Variants in PHLDB2 observed in about 807,000 individuals in gnomAD.
PHLDB2 encodes pleckstrin homology like domain family B member 2.
Under a neutral mutation model 123.6 loss-of-function variants are expected in PHLDB2, and 71 were observed. The observed-to-expected ratio is 0.57, with a 90% CI of 0.47 to 0.70. The LOEUF (loss-of-function observed/expected upper bound fraction) is 0.70, where lower values mean the gene tolerates loss of function less well. Among genes scored for constraint, PHLDB2 ranks in the 30% least tolerant of loss-of-function variants. PHLDB2 has a pLI of 0.00. For synonymous variants in PHLDB2, 547 were observed against 541.6 expected (o/e 1.01, Z -0.14); for missense variants, 1,446 against 1,519.5 (o/e 0.95, Z 0.80).
intron 2 of PHLDB2, among the ~76,000 whole-genome samples, chr3:111,886,320 A>G (rs1358415129): frequency 6.6e-6 from 1 of 152,254 alleles, no homozygotes; most frequent in African/African-American, 2.4e-5. Flanking sequence ...GATACCCTAT[A>G]GGACAATAAA....
chr3:111,753,999 A>T (rs1174005878), intron 1 of PHLDB2, among the ~76,000 whole-genome samples: 3 of 152,148 alleles, frequency 2.0e-5, no homozygotes, highest in Non-Finnish European at 4.4e-5. Context: ...GTTTTGTGCC[A>T]TTGATCTATA....
chr3:111,906,777 C>T (rs1471891549), intron 2 of PHLDB2, among the ~76,000 whole-genome samples: 1 of 152,174 alleles, frequency 6.6e-6, no homozygotes, highest in African/African-American at 2.4e-5. Context: ...GTCACATTCT[C>T]CAATAACTTA....
chr3:111,914,543 A>C (rs1455726130), intron 3 of PHLDB2: 5 of 152,128 alleles, frequency 3.3e-5, no homozygotes, highest in Non-Finnish European at 7.4e-5. Context: ...TTCTTTAATT[A>C]TACATCAAGT....
chr3:111,854,495 G>C (rs1309839106), upstream of PHLDB2, among the ~76,000 whole-genome samples: 2 of 152,196 alleles, frequency 1.3e-5, no homozygotes, highest in African/African-American at 4.8e-5. Context: ...GAGTTAAACT[G>C]CAGTAAGATT....
intron 1 of PHLDB2, among the ~76,000 whole-genome samples, chr3:111,882,064 G>A (rs1187597702): frequency 6.6e-6 from 1 of 152,020 alleles, no homozygotes; most frequent in Non-Finnish European, 1.5e-5. Context: ...TTTTATGAAT[G>A]TACTTTTTAT....
intron 5 of PHLDB2, among the ~76,000 whole-genome samples, chr3:111,927,714 A>G (rs1415612263): frequency 6.6e-6 from 1 of 152,214 alleles, no homozygotes; most frequent in Non-Finnish European, 1.5e-5. Flanking sequence ...TCTGAAATTC[A>G]GTGTAGCTGA....
intron 1 of PHLDB2, among the ~76,000 whole-genome samples, chr3:111,810,170 GAC>G (rs1402096079): frequency 6.6e-6 from 1 of 152,088 alleles, no homozygotes; most frequent in Admixed American, 6.6e-5. Context: ...AATGCAAGGT[GAC>G]ACACACAGAG....
chr3:111,909,553 G>A (rs894542820), intron 2 of PHLDB2, among the ~76,000 whole-genome samples: 1 of 152,156 alleles, frequency 6.6e-6, no homozygotes, highest in Non-Finnish European at 1.5e-5. Flanking sequence ...AGCTATGAGT[G>A]CACCACTGTG....
chr3:111,967,346 A>G (rs1449891251), intron 14 of PHLDB2, among the ~76,000 whole-genome samples: 1 of 152,264 alleles, frequency 6.6e-6, no homozygotes, highest in Non-Finnish European at 1.5e-5. Context: ...GATAAGTGCT[A>G]AAGTACAGTT....
At chr3:111,843,424 T>C (rs1448294064) in intron 1 of PHLDB2, among the ~76,000 whole-genome samples, 1 of 152,254 alleles carries the variant, frequency 6.6e-6, no homozygotes, top group Non-Finnish European at 1.5e-5. Flanking sequence ...AGCGTCTTGC[T>C]CTGTTGCCCA....
chr3:111,961,811 C>T, intron 12 of PHLDB2: 1 of 350,242 alleles, frequency 2.9e-6, no homozygotes, highest in Non-Finnish European at 5.1e-6. Flanking sequence ...GATTGTGTTT[C>T]TGTTTGGTTT....
chr3:111,763,104 T>C (rs1382128973), intron 1 of PHLDB2, among the ~76,000 whole-genome samples: 2 of 152,178 alleles, frequency 1.3e-5, no homozygotes, highest in Admixed American at 1.3e-4. Flanking sequence ...TGCACTGAGC[T>C]TTATGATCCT....
chr3:111,941,696 A>G (rs2069896190), intron 8 of PHLDB2, among the ~76,000 whole-genome samples: 1 of 152,146 alleles, frequency 6.6e-6, no homozygotes, highest in South Asian at 2.1e-4. Flanking sequence ...GATCCCAGCT[A>G]CTCAGAAGGC....
chr3:111,756,618 T>C (rs1260414283), intron 1 of PHLDB2, among the ~76,000 whole-genome samples: 1 of 152,170 alleles, frequency 6.6e-6, no homozygotes, highest in Non-Finnish European at 1.5e-5. Context: ...CCAGTCTGTG[T>C]CTTTTAATTG....
intron 3 of PHLDB2, chr3:111,916,102 C>G (rs1205131279): frequency 6.6e-6 from 1 of 152,204 alleles, no homozygotes; most frequent in Non-Finnish European, 1.5e-5. Context: ...AGGGCTATGA[C>G]AAGAATGCTG....
intron 8 of PHLDB2, 104 bp from the exon 9 acceptor site, chr3:111,945,164 G>A: frequency 1.3e-6 from 1 of 766,804 alleles, no homozygotes; most frequent in Non-Finnish European, 2.2e-6. Context: ...AGAAATGGGG[G>A]AAATATGTGA....
rs1446213294 is a variant in PHLDB2 at position 111,913,626 on chromosome 3, C to G, written c.1643C>G (p.Thr548Ser). ...AATGATGAACTACTCAGTGACCTCACCCGGACTCCTCCACCACCATCCTCC... is the reference window on the plus strand; with the variant it reads ...AATGATGAACTACTCAGTGACCTCAGCCGGACTCCTCCACCACCATCCTCC... ...TRNDELLSDL[T>S]RTPPPPSSTF... The change falls in exon 3 of 18, where the codon ACC becomes AGC. Residue 548 changes from threonine to serine, a missense_variant. Transcript: ENST00000431670. 1.2e-6 allele frequency: 2 copies of G among 1,614,124 alleles called. No homozygotes were observed. Among genetic ancestry groups the G allele is most frequent in the Non-Finnish European group, 1.7e-6 (2 of 1,179,976 alleles).
At chr3:111,804,378 G>T (rs1378723825) in intron 1 of PHLDB2, among the ~76,000 whole-genome samples, 1 of 152,142 alleles carries the variant, frequency 6.6e-6, no homozygotes, top group African/African-American at 2.4e-5. Context: ...AACTATTAGA[G>T]GTAGAAAACT....
intron 1 of PHLDB2, among the ~76,000 whole-genome samples, chr3:111,829,405 T>TAA (rs71131979): frequency 0.039 from 5,298 of 136,394 alleles, 300 homozygotes; most frequent in East Asian, 0.22. Context: ...TTCTTTTGTT[T>TAA]AAAAAAAAAA....
Sources: gnomAD v4.1 joint callset for allele counts (sites outside exome capture counted in the v4.1 genomes callset) on GRCh38, gnomAD v4.1.1 for gene constraint, MANE v1.5 for transcripts, NCBI Gene and HGNC (gene_info 2026-07-23, HGNC 2026-07-21) for gene names.